Variants in INTS15 observed in about 807,000 individuals in gnomAD.
The protein encoded by INTS15 is uncharacterized protein C7orf26.
chr7:6,607,961 C>G, the INTS15 span: 1 of 1,599,518 alleles, frequency 6.3e-7, no homozygotes, highest in Non-Finnish European at 8.5e-7. This position sits in a 1 kb window ranked among gnomAD's most constrained non-coding sequence, Gnocchi z 6.0. Flanking sequence ...TGTTCGCAGC[C>G]TCCTCCAGCT....
chr7:6,601,312 T>C, the INTS15 span, among the ~76,000 whole-genome samples: 1 of 151,478 alleles, frequency 6.6e-6, no homozygotes, highest in African/African-American at 2.4e-5. Context: ...TATTTTTTTT[T>C]TGAGGTGGAG....
the INTS15 span, among the ~76,000 whole-genome samples, chr7:6,598,988 A>G: frequency 6.6e-6 from 1 of 151,828 alleles, no homozygotes; most frequent in African/African-American, 2.4e-5. Flanking sequence ...GGGTCTCACT[A>G]TGTTTCCAGG....
the INTS15 span, chr7:6,602,892 C>G: frequency 2.7e-6 from 1 of 373,544 alleles, no homozygotes; most frequent in South Asian, 2.0e-5. Context: ...TGGGACCTGC[C>G]TCATGTCCCT....
the INTS15 span, among the ~76,000 whole-genome samples, chr7:6,597,363 C>T: frequency 9.9e-5 from 15 of 151,022 alleles, 1 homozygote; most frequent in East Asian, 2.5e-3. Flanking sequence ...GGTGTGATCT[C>T]GGTTCATTGC....
chr7:6,597,422 G>A, the INTS15 span, among the ~76,000 whole-genome samples: 1 of 152,072 alleles, frequency 6.6e-6, no homozygotes, highest in East Asian at 1.9e-4. Context: ...AGCCTCCTGA[G>A]TAGCTGGGGC....
the INTS15 span, among the ~76,000 whole-genome samples, chr7:6,592,614 TC>T: frequency 6.6e-6 from 1 of 151,782 alleles, no homozygotes; most frequent in East Asian, 1.9e-4. Flanking sequence ...TTTTTCTTTT[TC>T]TTTTTTTTTT....
chr7:6,599,233 C>T, the INTS15 span, among the ~76,000 whole-genome samples: 1 of 152,148 alleles, frequency 6.6e-6, no homozygotes, highest in African/African-American at 2.4e-5. Context: ...CATAGGAAGC[C>T]CAGACTAAGT....
the INTS15 span, chr7:6,602,285 T>G: frequency 1.6e-6 from 1 of 620,988 alleles, no homozygotes; most frequent in Non-Finnish European, 2.8e-6. Context: ...AAAACGCACG[T>G]GAATGGAACT....
the INTS15 span, chr7:6,600,293 C>T: frequency 1.8e-5 from 29 of 1,614,010 alleles, no homozygotes; most frequent in African/African-American, 1.7e-4. Flanking sequence ...TGAGCTCTCG[C>T]TGGACCGGCT....
chr7:6,593,862 G>T, the INTS15 span, among the ~76,000 whole-genome samples: 2 of 151,344 alleles, frequency 1.3e-5, no homozygotes, highest in African/African-American at 2.4e-5. Context: ...TGTTGCCCAG[G>T]CTCATCTGGA....
At chr7:6,606,019 G>A in the INTS15 span, among the ~76,000 whole-genome samples, 23 of 152,046 alleles carry the variant, frequency 1.5e-4, no homozygotes, top group South Asian at 3.9e-3. Flanking sequence ...ATTTGTGACA[G>A]TCTCTGTGTT....
the INTS15 span, chr7:6,608,330 C>A: frequency 7.0e-7 from 1 of 1,428,548 alleles, no homozygotes; most frequent in Non-Finnish European, 9.1e-7. Context: ...CGGTCGCATT[C>A]TTTGACATGC....
At chr7:6,600,538 G>T in the INTS15 span, among the ~76,000 whole-genome samples, 1 of 152,134 alleles carries the variant, frequency 6.6e-6, no homozygotes, top group Non-Finnish European at 1.5e-5. Context: ...TGCTCACCCC[G>T]TCAGGGTCCT....
At chr7:6,595,318 A>G in the INTS15 span, among the ~76,000 whole-genome samples, 2 of 152,074 alleles carry the variant, frequency 1.3e-5, no homozygotes, top group Non-Finnish European at 2.9e-5. Flanking sequence ...TTGCAACACC[A>G]TGTCTGGCTG....
chr7:6,596,360 T>C, the INTS15 span, among the ~76,000 whole-genome samples: 6 of 148,844 alleles, frequency 4.0e-5, no homozygotes, highest in Admixed American at 2.7e-4. Flanking sequence ...AGCCGAGCCT[T>C]CTTTTATCTG....
chr7:6,607,677 G>A, the INTS15 span: 2 of 1,518,446 alleles, frequency 1.3e-6, no homozygotes, highest in Admixed American at 2.0e-5. This position sits in a 1 kb window ranked among gnomAD's most constrained non-coding sequence, Gnocchi z 6.0. Context: ...GAGCCGCAGA[G>A]GCTGACGTGG....
At chr7:6,602,156 A>C in the INTS15 span, 1 of 1,608,086 alleles carries the variant, frequency 6.2e-7, no homozygotes, top group African/African-American at 1.3e-5. Flanking sequence ...TATCCTCAGG[A>C]CTCCTAGCTG....
chr7:6,592,819 A>C, the INTS15 span, among the ~76,000 whole-genome samples: 1 of 152,036 alleles, frequency 6.6e-6, no homozygotes, highest in Non-Finnish European at 1.5e-5. Flanking sequence ...CATGTTGCCC[A>C]GACTGGTCAC....
the INTS15 span, chr7:6,591,899 C>T: frequency 1.0e-5 from 16 of 1,594,920 alleles, no homozygotes; most frequent in Non-Finnish European, 1.4e-5. Flanking sequence ...CGGCCGGGTG[C>T]GGTGGCTCAT....
Sources: allele counts gnomAD v4.1 joint callset (sites outside exome capture counted in the v4.1 genomes callset), GRCh38; gene constraint gnomAD v4.1.1; non-coding constraint Gnocchi (gnomAD v3.1); transcripts MANE v1.5; gene names NCBI Gene and HGNC (gene_info 2026-07-23, HGNC 2026-07-21).